Variants in ENTPD4 observed in about 807,000 individuals in gnomAD.
The protein encoded by ENTPD4 is ectonucleoside triphosphate diphosphohydrolase 4, also known as Golgi UDPase.
Under a neutral mutation model 79.1 loss-of-function variants are expected in ENTPD4, and 60 were observed. The ratio of observed to expected loss-of-function variants is 0.76; its 90% CI spans 0.62 to 0.94. ENTPD4 has a LOEUF of 0.94. Among genes scored for constraint, ENTPD4 ranks in the 40% least tolerant of loss-of-function variants. ENTPD4 has a pLI of 0.00. For missense variants in ENTPD4, 772 were observed against 775.1 expected (o/e 1.00, Z 0.05); for synonymous variants, 276 against 292.0 (o/e 0.95, Z 0.56).
At position 23,449,975 on chromosome 8, in the gene ENTPD4, G is replaced by A. The variant is rs923041556; in HGVS notation, c.-75C>T. On this transcript the variant is annotated 5_prime_UTR_variant, in exon 2 of 13. Coordinates refer to ENST00000358689, the MANE Select transcript of ENTPD4 (RefSeq NM_004901.5). ...AAACAATTATAGAAATAATGCTGGG[G>A]TCCTCACGGAGTTAGAGCCCTCCTG... 1.2e-5 allele frequency: 19 copies of A among 1,603,534 alleles called. No individual in the cohort carries two copies. In the African/African-American group the frequency reaches 1.6e-4, roughly 14 times the overall value.
intron 3 of ENTPD4, among the ~76,000 whole-genome samples, chr8:23,448,305 T>C (rs1267606234): frequency 6.6e-6 from 1 of 152,240 alleles, no homozygotes. Flanking sequence ...ATCTAGTTCC[T>C]ACAGTTCCTT....
chr8:23,443,744 C>A, intron 6 of ENTPD4, 106 bp downstream of exon 6: 1 of 602,466 alleles, frequency 1.7e-6, no homozygotes, highest in Non-Finnish European at 3.0e-6. Context: ...CTATTATTTC[C>A]CAAATGTTAA....
intron 1 of ENTPD4, among the ~76,000 whole-genome samples, chr8:23,454,062 A>G (rs1231596012): frequency 2.0e-5 from 3 of 152,232 alleles, no homozygotes; most frequent in South Asian, 2.1e-4. Context: ...TTTCTGGGCA[A>G]TGAGATCAGG....
At chr8:23,436,503 G>A (rs1198201990) in intron 10 of ENTPD4, among the ~76,000 whole-genome samples, 1 of 152,098 alleles carries the variant, frequency 6.6e-6, no homozygotes, top group African/African-American at 2.4e-5. Context: ...GAATATGGAT[G>A]AGACCATCCA....
At position 23,431,090 on chromosome 8, in the gene ENTPD4, G is replaced by C. The variant is rs1029289853; in HGVS notation, c.*1836C>G. The C allele has an allele frequency of 2.2e-5, 14 of 628,782 alleles. No individual in the cohort carries two copies. Among genetic ancestry groups the C allele is most frequent in the African/African-American group, 4.0e-5 (2 of 50,232 alleles). 39.0% of individuals were successfully genotyped at this position (628,782 alleles called of 1,614,324 possible). ...TGCATTTTACCTTCCAGAGACGCAG[G>C]TTAAGCTGCACCTGAGGCAGTTTGA... On this transcript the variant is annotated 3_prime_UTR_variant, in exon 13 of 13. Transcript: ENST00000358689.
At chr8:23,444,409 C>G in intron 5 of ENTPD4, 47 bp downstream of exon 5, 4 of 1,570,904 alleles carry the variant, frequency 2.5e-6, no homozygotes, top group Non-Finnish European at 3.5e-6. Flanking sequence ...CACCCCCTCT[C>G]CCCTCCAGGA....
intron 1 of ENTPD4, among the ~76,000 whole-genome samples, chr8:23,452,242 G>A (rs1800875205): frequency 6.6e-6 from 1 of 152,210 alleles, no homozygotes; most frequent in South Asian, 2.1e-4. Context: ...GTTGAGTGCT[G>A]CAGTTGTAGC....
In ENTPD4 at chr8:23,442,045, A is replaced by G. The variant is rs372069212; in HGVS notation, c.689T>C (p.Ile230Thr). ...CTCAAATCGTCCAAGGACAAAATTAATGCCAATCCAAGCATACACACCTAT... is the reference window on the plus strand; with the variant it reads ...CTCAAATCGTCCAAGGACAAAATTAGTGCCAATCCAAGCATACACACCTAT... The part of the protein sequence containing the change: ...KQEGVYAWIG[I>T]NFVLGRFEHI... Residue 230 changes from isoleucine to threonine, a missense_variant, in exon 7 of 13, where the codon ATT becomes ACT. Transcript: ENST00000358689. 80 of 1,613,596 alleles carry G rather than the reference A, an allele frequency of 5.0e-5. No homozygotes were observed. Among genetic ancestry groups the G allele is most frequent in the Non-Finnish European group, 5.9e-5 (70 of 1,179,658 alleles).
Position 23,443,857 on chromosome 8 carries a change from T to A in ENTPD4, c.660A>T (p.Lys220Asn). The change falls in exon 6 of 13, where the codon AAA becomes AAT. Residue 220 changes from lysine (K) to asparagine (N), a missense_variant. Lys to Asn is a moderately conservative substitution (Grantham distance 94). Transcript: ENST00000358689. ...GAAGACCAATATACCAACCTTCTTG[T>A]TTCCCAGAAATTACTTCTGCATGAG... is the stretch of plus-strand genomic sequence containing the variant. ...SDSHAEVISG[K>N]QEGVYAWIGI... 6.2e-7 allele frequency: 1 copy of A among 1,609,886 alleles called. No homozygotes were observed.
chr8:23,431,086 G>A lies in ENTPD4; in HGVS notation c.*1840C>T, dbSNP rs753808368. 9.3e-6 allele frequency: 6 copies of A among 642,884 alleles called. No homozygotes were observed. The highest frequency in any genetic ancestry group is 1.2e-5 in the Non-Finnish European group (6 of 517,206). 39.8% of individuals were successfully genotyped at this position (642,884 alleles called of 1,614,324 possible). On this transcript the variant is annotated 3_prime_UTR_variant, in exon 13 of 13. Coordinates refer to ENST00000358689, the MANE Select transcript of ENTPD4 (RefSeq NM_004901.5). ...CAGATGCATTTTACCTTCCAGAGACGCAGGTTAAGCTGCACCTGAGGCAGT... is the reference window on the plus strand; with the variant it reads ...CAGATGCATTTTACCTTCCAGAGACACAGGTTAAGCTGCACCTGAGGCAGT...
intron 6 of ENTPD4, 69 bp downstream of exon 6, chr8:23,443,781 A>G (rs1800713812): frequency 9.2e-6 from 8 of 872,696 alleles, no homozygotes; most frequent in Non-Finnish European, 1.4e-5. Flanking sequence ...CAAAGGGTAC[A>G]TTGGTGAAAA....
In ENTPD4 at chr8:23,439,925, T is replaced by A. The variant is rs1242131320; in HGVS notation, c.883-10A>T. 6.2e-7 allele frequency: 1 copy of A among 1,612,906 alleles called. No individual in the cohort carries two copies. The highest frequency in any genetic ancestry group is 8.5e-7 in the Non-Finnish European group (1 of 1,178,884). Reference sequence around the variant, plus strand: ...TTTTAGCTACTTCTTCCTGCAGACATAAGCATAACAAACCTTAATAGCTTA... The same window carrying A: ...TTTTAGCTACTTCTTCCTGCAGACAAAAGCATAACAAACCTTAATAGCTTA... On this transcript the variant is annotated splice_polypyrimidine_tract_variant and intron_variant, in intron 8 of 12. Transcript: ENST00000358689.
rs763994530 is a variant in ENTPD4, at chr8:23,442,028, G to A, written c.706C>T (p.Arg236Ter). ...TTACCATCTTCAATATGCTCAAATCGTCCAAGGACAAAATTAATGCCAATC... is the reference window on the plus strand; with the variant it reads ...TTACCATCTTCAATATGCTCAAATCATCCAAGGACAAAATTAATGCCAATC... ...AWIGINFVLG[R>*]FEHIEDDDEA... The change falls in exon 7 of 13, where the codon CGA (arginine) becomes TGA (stop). Residue 236 changes from arginine to a stop codon, truncating the protein, a stop_gained. Transcript: ENST00000358689. LOFTEE classifies it high-confidence loss of function. The A allele has an allele frequency of 2.6e-5, 42 of 1,613,202 alleles. No individual in the cohort carries two copies. The highest frequency in any genetic ancestry group is 3.1e-5 in the Non-Finnish European group (36 of 1,179,406).
At chr8:23,445,683 G>C (rs1256867452) in intron 4 of ENTPD4, among the ~76,000 whole-genome samples, 2 of 152,196 alleles carry the variant, frequency 1.3e-5, no homozygotes, top group Non-Finnish European at 2.9e-5. Flanking sequence ...CCTTTTGCTA[G>C]ATGTACATTC....
Position 23,431,370 on chromosome 8 carries a change from A to G in ENTPD4, c.*1556T>C. The stretch of plus-strand genomic sequence containing the variant: ...CTGTTCTGGAGTTAGGGAACAGCAC[A>G]CACAGACACTCGCACAAAACAAACT... On this transcript the variant is annotated 3_prime_UTR_variant, in exon 13 of 13. Transcript: ENST00000358689. The G allele has an allele frequency of 1.0e-6, 1 of 985,456 alleles. No individual in the cohort carries two copies. The highest frequency in any genetic ancestry group is 1.2e-6 in the Non-Finnish European group (1 of 829,954). 61.0% of individuals were successfully genotyped at this position (985,456 alleles called of 1,614,324 possible).
chr8:23,436,203 A>G (rs945985837), intron 10 of ENTPD4, among the ~76,000 whole-genome samples: 1 of 152,230 alleles, frequency 6.6e-6, no homozygotes, highest in Non-Finnish European at 1.5e-5. Flanking sequence ...TACAGCATAC[A>G]GTGCTCTGCG....
chr8:23,429,846 C>G lies in ENTPD4; in HGVS notation c.*3080G>C. On this transcript the variant is annotated 3_prime_UTR_variant, in exon 13 of 13. Transcript: ENST00000358689. ...TGAACATGGGCAAAAAGCACTGGTA[C>G]AGTTCCATGTGTTTCTCTTCTACTG... 2 of 985,456 alleles carry G rather than the reference C, an allele frequency of 2.0e-6. No homozygotes were observed. Among genetic ancestry groups the G allele is most frequent in the Non-Finnish European group, 2.4e-6 (2 of 829,934 alleles). The allele number at this position is 985,456 out of a possible 1,614,324, so 61.0% of individuals were successfully genotyped here. A position where few individuals can be genotyped will look rare whatever the true frequency, so the allele number is the denominator to read the frequency against.
At chr8:23,455,824 T>G (rs1800948063) in intron 1 of ENTPD4, among the ~76,000 whole-genome samples, 1 of 152,208 alleles carries the variant, frequency 6.6e-6, no homozygotes, top group African/African-American at 2.4e-5. Flanking sequence ...TCTCCAGGTC[T>G]AAGACGGGTA....
At position 23,430,749 on chromosome 8, in the gene ENTPD4, G is replaced by T. The variant is rs1800439680; in HGVS notation, c.*2177C>A. ...CCCCTAACTCCCTGGGTGCCCACCT[G>T]CCCACTTCAACCATTTGTGGCCCCT... is the stretch of plus-strand genomic sequence containing the variant. On this transcript the variant is annotated 3_prime_UTR_variant, in exon 13 of 13. Coordinates refer to ENST00000358689, the MANE Select transcript of ENTPD4 (RefSeq NM_004901.5). The T allele has an allele frequency of 7.1e-6, 7 of 985,564 alleles. No homozygotes were observed. The highest frequency in any genetic ancestry group is 8.4e-6 in the Non-Finnish European group (7 of 830,116). The allele number at this position is 985,564 out of a possible 1,614,324, so 61.1% of individuals were successfully genotyped here. A position where few individuals can be genotyped will look rare whatever the true frequency, so the allele number is the denominator to read the frequency against.
Sources: gnomAD v4.1 joint callset for allele counts (sites outside exome capture counted in the v4.1 genomes callset) on GRCh38, gnomAD v4.1.1 for gene constraint, MANE v1.5 for transcripts, NCBI Gene and HGNC (gene_info 2026-07-23, HGNC 2026-07-21) for gene names.